SRFBP1: variants seen among roughly 807,000 people sequenced by gnomAD.
SRFBP1 encodes serum response factor binding protein 1.
Under a neutral mutation model 45.5 loss-of-function variants are expected in SRFBP1, and 47 were observed. That is an observed-to-expected ratio of 1.03 (90% CI 0.82 to 1.32). SRFBP1 has a LOEUF of 1.32. SRFBP1 is among the 40% of genes most tolerant of loss of function. The probability of loss-of-function intolerance (pLI) is 0.00; values close to 1 mark genes in which losing one functional copy is unlikely to be tolerated. For missense variants in SRFBP1, 621 were observed against 484.6 expected (o/e 1.28, Z -2.64); for synonymous variants, 203 against 166.3 (o/e 1.22, Z -1.70).
chr5:122,077,684 G>A (rs765652942), downstream of SRFBP1: 12 of 1,599,640 alleles, frequency 7.5e-6, no homozygotes, highest in Admixed American at 2.0e-4. This position sits in a 1 kb window ranked among gnomAD's most constrained non-coding sequence, Gnocchi z 4.9. Flanking sequence ...CGTTCGCGCC[G>A]CGGCGGTGCG....
downstream of SRFBP1, among the ~76,000 whole-genome samples, chr5:122,032,648 G>A (rs906284598): frequency 6.6e-6 from 1 of 152,200 alleles, no homozygotes; most frequent in Non-Finnish European, 1.5e-5. Context: ...CTGGGTAAAT[G>A]TATAAGAATT....
intron 2 of SRFBP1, chr5:122,070,614 T>A: frequency 7.7e-7 from 1 of 1,294,128 alleles, no homozygotes; most frequent in Non-Finnish European, 1.1e-6. Flanking sequence ...ATAAAAAATT[T>A]AAAATTATGG....
At chr5:121,972,112 A>G (rs1489244055) in intron 1 of SRFBP1, among the ~76,000 whole-genome samples, 5 of 151,964 alleles carry the variant, frequency 3.3e-5, no homozygotes, top group Non-Finnish European at 5.9e-5. Context: ...TCAGTGGGAA[A>G]CAAATGCATT....
At chr5:122,031,408 A>G (rs1472885670), downstream of SRFBP1, among the ~76,000 whole-genome samples, 2 of 152,196 alleles carry the variant, frequency 1.3e-5, no homozygotes, top group African/African-American at 4.8e-5. Context: ...AGCAATAGAA[A>G]TTCCCTGAGG....
At chr5:122,060,824 T>TCCA (rs1754157932) in intron 2 of SRFBP1, among the ~76,000 whole-genome samples, 1 of 152,084 alleles carries the variant, frequency 6.6e-6, no homozygotes, top group Non-Finnish European at 1.5e-5. Flanking sequence ...TGCAGCAAAC[T>TCCA]CCACCCTTGT....
chr5:121,988,253 G>C (rs971782080), intron 3 of SRFBP1, among the ~76,000 whole-genome samples: 1 of 152,144 alleles, frequency 6.6e-6, no homozygotes, highest in African/African-American at 2.4e-5. Context: ...GCCCTGCTTT[G>C]ATTCTTTGAA....
intron 2 of SRFBP1, among the ~76,000 whole-genome samples, chr5:122,043,865 CTT>C (rs1052308466): frequency 1.1e-4 from 17 of 151,918 alleles, no homozygotes; most frequent in African/African-American, 3.9e-4. Context: ...TTTTATTTAA[CTT>C]TTAAGTTTTA....
intron 4 of SRFBP1, among the ~76,000 whole-genome samples, chr5:122,005,655 A>G (rs1752958789): frequency 6.6e-6 from 1 of 152,028 alleles, no homozygotes; most frequent in Non-Finnish European, 1.5e-5. Context: ...CATTCAAGGT[A>G]ATTATTTCTG....
At chr5:122,064,544 A>G (rs948207425) in intron 2 of SRFBP1, 2 of 152,044 alleles carry the variant, frequency 1.3e-5, no homozygotes, top group Non-Finnish European at 2.9e-5. Context: ...AGAAATACAT[A>G]CATGCATATA....
chr5:122,020,000 T>G, intron 5 of SRFBP1, 88 bp from the exon 6 acceptor site: 1 of 867,550 alleles, frequency 1.2e-6, no homozygotes, highest in Non-Finnish European at 1.7e-6. Context: ...TTAAATCTTT[T>G]CAAATAATTT....
chr5:122,034,262 G>C (rs1753647492), intron 2 of SRFBP1, among the ~76,000 whole-genome samples: 1 of 152,118 alleles, frequency 6.6e-6, no homozygotes, highest in Non-Finnish European at 1.5e-5. Context: ...AGATGAATAT[G>C]TTTGCTGTCA....
At chr5:122,010,305 T>C (rs1753065397) in intron 4 of SRFBP1, among the ~76,000 whole-genome samples, 1 of 152,130 alleles carries the variant, frequency 6.6e-6, no homozygotes, top group Non-Finnish European at 1.5e-5. Context: ...CCTATTTTTA[T>C]GTGTTCGTTC....
At position 122,040,205 on chromosome 5, in the gene SRFBP1, C is replaced by A. The variant is rs895145123; in HGVS notation, n.311+17798C>A. ...GGAAGTATTTGTATTTCAAACATCT[C>A]TTTTTGTTATTCTCTAATTAGTTGC... On this transcript the variant is annotated intron_variant and non_coding_transcript_variant, in intron 2 of 2. Transcript: ENST00000504881. Among the ~76,000 whole-genome samples, 5 of 151,996 alleles carry A rather than the reference C, an allele frequency of 3.3e-5. No homozygotes were observed. In the South Asian group the frequency reaches 8.3e-4, roughly 25 times the overall value.
intron 2 of SRFBP1, among the ~76,000 whole-genome samples, chr5:122,037,492 A>G (rs1416371677): frequency 6.6e-6 from 1 of 152,058 alleles, no homozygotes; most frequent in African/African-American, 2.4e-5. Flanking sequence ...GTTTAAATGT[A>G]GCTCTTCTCT....
At chr5:122,068,978 A>G (rs952894082) in intron 2 of SRFBP1, among the ~76,000 whole-genome samples, 1 of 152,080 alleles carries the variant, frequency 6.6e-6, no homozygotes, top group African/African-American at 2.4e-5. Context: ...TCCACACAAT[A>G]TGGGCCATAA....
downstream of SRFBP1, among the ~76,000 whole-genome samples, chr5:122,033,280 G>A (rs552559900): frequency 1.5e-4 from 22 of 151,416 alleles, no homozygotes; most frequent in African/African-American, 5.1e-4. Flanking sequence ...CAATTGTCTT[G>A]ATTTTATGTT....
chr5:122,015,711 A>G (rs763459782), intron 4 of SRFBP1, among the ~76,000 whole-genome samples: 3 of 152,226 alleles, frequency 2.0e-5, no homozygotes, highest in African/African-American at 7.2e-5. Context: ...AAATACTTCT[A>G]CAAGAATTTT....
chr5:121,968,228 A>G (rs1488136316), intron 1 of SRFBP1, among the ~76,000 whole-genome samples: 1 of 137,760 alleles, frequency 7.3e-6, no homozygotes, highest in Non-Finnish European at 1.6e-5. Context: ...TGTCATTATT[A>G]TTATTATTAT....
At chr5:122,075,376 A>G (rs776483775) in exon 3 of SRFBP1, 4 of 1,562,300 alleles carry the variant, frequency 2.6e-6, no homozygotes, top group African/African-American at 2.8e-5. Context: ...AAGCAACCCA[A>G]AAGTACCCAG....
Sources: gnomAD v4.1 joint callset for allele counts (sites outside exome capture counted in the v4.1 genomes callset) on GRCh38, gnomAD v4.1.1 for gene constraint, Gnocchi (gnomAD v3.1) non-coding constraint, MANE v1.5 for transcripts, NCBI Gene and HGNC (gene_info 2026-07-23, HGNC 2026-07-21) for gene names.